SNX29: variants seen among roughly 807,000 people sequenced by gnomAD.
SNX29 encodes sorting nexin-29.
SNX29 carries 78 observed loss-of-function variants against 102.1 expected under a neutral mutation model. The observed-to-expected ratio is 0.76, with a 90% confidence interval of 0.64 to 0.92. The LOEUF is 0.92. Among genes scored for constraint, SNX29 ranks in the 40% least tolerant of loss-of-function variants. The probability of loss-of-function intolerance (pLI) is 0.00; values close to 1 mark genes in which losing one functional copy is unlikely to be tolerated. For missense variants in SNX29, 1,280 were observed against 1,061.7 expected (o/e 1.21, Z -2.86); for synonymous variants, 580 against 414.5 (o/e 1.40, Z -4.85).
At chr16:12,187,421 G>C (rs763261410) in intron 13 of SNX29, among the ~76,000 whole-genome samples, 3 of 152,188 alleles carry the variant, frequency 2.0e-5, no homozygotes, top group Non-Finnish European at 4.4e-5. Context: ...GGGTGTGCAC[G>C]CCTGTAATCC....
chr16:12,470,385 T>C (rs1332657400), intron 18 of SNX29, among the ~76,000 whole-genome samples: 2 of 152,196 alleles, frequency 1.3e-5, no homozygotes, highest in East Asian at 3.9e-4. Flanking sequence ...GTCTGATCCT[T>C]GCAGGGGTTT....
Position 12,537,242 on chromosome 16 carries a change from C to G in SNX29, c.2318+12401C>G, listed in dbSNP as rs576640870. Among the ~76,000 whole-genome samples, 39 of 152,274 alleles carry G rather than the reference C, an allele frequency of 2.6e-4. No individual in the cohort carries two copies. The South Asian group carries it at 7.5e-3, about 29-fold the overall frequency. ...CAGACTGCAAGGTGCCAGGCACACC[C>G]AAAATAATGTACCTTCTTTTCACCT... On this transcript the variant is annotated intron_variant, in intron 20 of 20. Coordinates refer to ENST00000566228, the MANE Select transcript of SNX29 (RefSeq NM_032167.5).
intron 15 of SNX29, among the ~76,000 whole-genome samples, chr16:12,354,062 C>CTGT (rs2082065004): frequency 6.6e-6 from 1 of 152,172 alleles, no homozygotes; most frequent in Non-Finnish European, 1.5e-5. Context: ...ATAACAGGAA[C>CTGT]TCTTTGTGAT....
intron 19 of SNX29, among the ~76,000 whole-genome samples, chr16:12,518,273 G>A (rs1400977316): frequency 6.6e-6 from 1 of 152,146 alleles, no homozygotes; most frequent in Non-Finnish European, 1.5e-5. Flanking sequence ...CGTTGGCTTT[G>A]TTCACTGGTC....
intron 18 of SNX29, among the ~76,000 whole-genome samples, chr16:12,450,682 C>G (rs1247862714): frequency 6.6e-6 from 1 of 152,156 alleles, no homozygotes; most frequent in Non-Finnish European, 1.5e-5. Flanking sequence ...AAAGGATGAG[C>G]TAGTCAGATG....
chr16:12,120,777 T>C (rs1484240266), intron 11 of SNX29, among the ~76,000 whole-genome samples: 1 of 152,140 alleles, frequency 6.6e-6, no homozygotes, highest in Non-Finnish European at 1.5e-5. Context: ...GGGAACGGTT[T>C]TGTAGGCTCG....
intron 20 of SNX29, chr16:12,546,463 TCACATTCACTGTCAGAAGAACAG>T (rs1192804204): frequency 1.3e-5 from 2 of 152,116 alleles, no homozygotes; most frequent in African/African-American, 2.4e-5. Flanking sequence ...TATGAAACCA[TCACATTCACTGTCAGAAGAACAG>T]CACAGGAAAG....
At chr16:12,212,322 C>A (rs140286742) in intron 14 of SNX29, among the ~76,000 whole-genome samples, 255 of 152,340 alleles carry the variant, frequency 1.7e-3, no homozygotes, top group African/African-American at 5.5e-3. Flanking sequence ...TGGCGGAAAG[C>A]AGAACCATTG....
chr16:12,159,665 G>C (rs1371488765), intron 13 of SNX29, among the ~76,000 whole-genome samples: 5 of 152,142 alleles, frequency 3.3e-5, no homozygotes, highest in African/African-American at 1.2e-4. Context: ...TTTGAGACCA[G>C]CCTGGGCAAC....
intron 14 of SNX29, among the ~76,000 whole-genome samples, chr16:12,258,117 A>G (rs2078628142): frequency 6.6e-6 from 1 of 152,138 alleles, no homozygotes; most frequent in African/African-American, 2.4e-5. Flanking sequence ...TGGTTTAGCA[A>G]TCAGCAAACA....
intron 15 of SNX29, among the ~76,000 whole-genome samples, chr16:12,302,074 T>G (rs920977758): frequency 1.3e-5 from 2 of 152,220 alleles, no homozygotes; most frequent in Non-Finnish European, 2.9e-5. Flanking sequence ...TACGGTCCTT[T>G]CTTTATCAGA....
intron 15 of SNX29, among the ~76,000 whole-genome samples, chr16:12,299,370 C>G (rs1359999369): frequency 6.6e-6 from 1 of 152,050 alleles, no homozygotes; most frequent in Admixed American, 6.5e-5. Flanking sequence ...AGTAATTTTT[C>G]TTTGTGATAT....
At chr16:12,282,398 G>C (rs535162846) in intron 15 of SNX29, among the ~76,000 whole-genome samples, 1 of 152,316 alleles carries the variant, frequency 6.6e-6, no homozygotes, top group East Asian at 1.9e-4. Flanking sequence ...CTGTGCCAAG[G>C]ATTACCTGCT....
At chr16:12,261,688 T>C (rs1470957737) in intron 14 of SNX29, among the ~76,000 whole-genome samples, 1 of 115,558 alleles carries the variant, frequency 8.7e-6, no homozygotes, top group African/African-American at 3.5e-5. Flanking sequence ...CTGGAGTGAG[T>C]GTTTGCTGAG....
intron 16 of SNX29, among the ~76,000 whole-genome samples, chr16:12,368,727 T>A (rs779499521): frequency 2.4e-4 from 37 of 152,218 alleles, no homozygotes; most frequent in Non-Finnish European, 5.9e-5. Context: ...ACCTGTCCTG[T>A]CTTCTCTTCT....
At chr16:12,232,764 G>C (rs1200728078) in intron 14 of SNX29, among the ~76,000 whole-genome samples, 1 of 152,180 alleles carries the variant, frequency 6.6e-6, no homozygotes, top group Non-Finnish European at 1.5e-5. Flanking sequence ...GTGGGCAGAA[G>C]ATGTCCCCTG....
chr16:12,062,419 AATAT>A (rs1339526607), intron 9 of SNX29, among the ~76,000 whole-genome samples: 2 of 150,360 alleles, frequency 1.3e-5, no homozygotes, highest in East Asian at 3.9e-4. Flanking sequence ...TAAATAAATA[AATAT>A]GTCTCTGGTA....
At chr16:12,509,213 C>G (rs1300115998) in intron 19 of SNX29, among the ~76,000 whole-genome samples, 1 of 152,156 alleles carries the variant, frequency 6.6e-6, no homozygotes, top group Admixed American at 6.5e-5. Context: ...CCTGGGTGAC[C>G]GTCACAGTTG....
At chr16:12,557,006 G>A (rs1378046819) in intron 20 of SNX29, among the ~76,000 whole-genome samples, 8 of 96,552 alleles carry the variant, frequency 8.3e-5, no homozygotes, top group Non-Finnish European at 1.3e-4. Context: ...CACCACATCT[G>A]GCTAATTTAC....
Sources: gnomAD v4.1 joint callset for allele counts (sites outside exome capture counted in the v4.1 genomes callset) on GRCh38, gnomAD v4.1.1 for gene constraint, MANE v1.5 for transcripts, NCBI Gene and HGNC (gene_info 2026-07-23, HGNC 2026-07-21) for gene names.